Variants in ICA1L observed in about 807,000 individuals in gnomAD.
The protein encoded by ICA1L is islet cell autoantigen 1-like protein.
Under a neutral mutation model 61.3 loss-of-function variants are expected in ICA1L, and 50 were observed. That is an observed-to-expected ratio of 0.82 (90% CI 0.65 to 1.03). The LOEUF (loss-of-function observed/expected upper bound fraction) is 1.03. Among genes scored for constraint, ICA1L ranks in the 50% least tolerant of loss-of-function variants. The pLI, the probability that ICA1L is intolerant of heterozygous loss-of-function variation, is 0.00. For missense variants in ICA1L, 508 were observed against 556.7 expected, an observed-to-expected ratio of 0.91 and a Z score of 0.88; for synonymous variants, 161 against 191.3, an observed-to-expected ratio of 0.84 and a Z score of 1.31.
At chr2:202,854,218 A>G (rs530676430) in intron 1 of ICA1L, among the ~76,000 whole-genome samples, 3 of 152,232 alleles carry the variant, frequency 2.0e-5, no homozygotes, top group African/African-American at 7.2e-5. Flanking sequence ...TGGAAAGAAA[A>G]AAAAAAAAGC....
chr2:202,852,279 G>C (rs1574379956), intron 1 of ICA1L, among the ~76,000 whole-genome samples: 1 of 152,048 alleles, frequency 6.6e-6, no homozygotes, highest in East Asian at 1.9e-4. Flanking sequence ...TGGGATGGCT[G>C]GGTCAAATGG....
At chr2:202,824,595 G>A (rs879729652) in intron 3 of ICA1L, among the ~76,000 whole-genome samples, 2 of 152,112 alleles carry the variant, frequency 1.3e-5, no homozygotes, top group Non-Finnish European at 2.9e-5. Context: ...TTCAGGGAAG[G>A]CCTCATTTAA....
Position 202,779,444 on chromosome 2 carries a change from G to T in ICA1L, c.*89C>A, listed in dbSNP as rs1692325108. On this transcript the variant is annotated 3_prime_UTR_variant, in exon 13 of 13. Transcript: ENST00000358299. Reference sequence around the variant, plus strand: ...ATATTCACAAACACCGTGCTTTTGTGTGCGGGTTACAATCTAAATCCTTTC... The same window carrying T: ...ATATTCACAAACACCGTGCTTTTGTTTGCGGGTTACAATCTAAATCCTTTC... 1 of 747,124 alleles carries T rather than the reference G, an allele frequency of 1.3e-6. No individual in the cohort carries two copies. Among genetic ancestry groups the T allele is most frequent in the Non-Finnish European group, 2.2e-6 (1 of 452,654 alleles). 46.3% of individuals were successfully genotyped at this position (747,124 alleles called of 1,614,324 possible). A position where few individuals can be genotyped will look rare whatever the true frequency, so the allele number is the denominator to read the frequency against.
At chr2:202,798,831 G>C (rs116108802) in intron 9 of ICA1L, among the ~76,000 whole-genome samples, 5 of 152,168 alleles carry the variant, frequency 3.3e-5, no homozygotes, top group African/African-American at 1.2e-4. Context: ...ACCTGAATGT[G>C]ATCAAAATTT....
At chr2:202,810,432 T>G (rs1045385429) in intron 9 of ICA1L, among the ~76,000 whole-genome samples, 5 of 152,226 alleles carry the variant, frequency 3.3e-5, no homozygotes, top group African/African-American at 1.2e-4. Context: ...CACTTATCAC[T>G]TCCCCAGTCA....
intron 1 of ICA1L, among the ~76,000 whole-genome samples, chr2:202,864,707 A>G (rs1236001257): frequency 4.6e-5 from 7 of 152,040 alleles, no homozygotes; most frequent in African/African-American, 1.7e-4. Context: ...GGGATGCAAG[A>G]TTTGTTTAGC....
intron 10 of ICA1L, among the ~76,000 whole-genome samples, chr2:202,795,377 C>G (rs1269565642): frequency 6.6e-6 from 1 of 152,116 alleles, no homozygotes; most frequent in African/African-American, 2.4e-5. Flanking sequence ...AGGCAGATCA[C>G]CTGAGGTCAG....
chr2:202,790,769 T>G (rs187372557), intron 10 of ICA1L, among the ~76,000 whole-genome samples: 11 of 152,220 alleles, frequency 7.2e-5, no homozygotes, highest in Admixed American at 7.2e-4. Context: ...GGTGGTTTCA[T>G]GAAGAAAGAG....
chr2:202,853,962 T>TA (rs1476608682), intron 1 of ICA1L, among the ~76,000 whole-genome samples: 1 of 152,086 alleles, frequency 6.6e-6, no homozygotes, highest in Non-Finnish European at 1.5e-5. Flanking sequence ...AGACCAATGA[T>TA]ACTACGAAGA....
chr2:202,843,735 T>C (rs888206911), intron 1 of ICA1L, among the ~76,000 whole-genome samples: 1 of 152,182 alleles, frequency 6.6e-6, no homozygotes, highest in African/African-American at 2.4e-5. Context: ...CACTAGTGAG[T>C]GCAGCATTAG....
chr2:202,834,129 A>G (rs1411742179), intron 1 of ICA1L, among the ~76,000 whole-genome samples: 1 of 152,238 alleles, frequency 6.6e-6, no homozygotes, highest in Non-Finnish European at 1.5e-5. Flanking sequence ...CAGTGTTTCA[A>G]ACGTAATGTA....
At chr2:202,837,513 C>T (rs375966443) in intron 1 of ICA1L, among the ~76,000 whole-genome samples, 3 of 151,944 alleles carry the variant, frequency 2.0e-5, no homozygotes, top group South Asian at 4.2e-4. Flanking sequence ...CCTCGTGATC[C>T]GCCCACCTCA....
intron 12 of ICA1L, among the ~76,000 whole-genome samples, chr2:202,784,624 C>T (rs971977384): frequency 6.6e-6 from 1 of 152,086 alleles, no homozygotes; most frequent in African/African-American, 2.4e-5. Flanking sequence ...ATCTGTCAAA[C>T]AGAGTATTAT....
At chr2:202,842,591 T>A (rs1694362567) in intron 1 of ICA1L, among the ~76,000 whole-genome samples, 1 of 152,248 alleles carries the variant, frequency 6.6e-6, no homozygotes, top group Non-Finnish European at 1.5e-5. Context: ...TCTCTTCATC[T>A]TTGATTTTTG....
chr2:202,844,988 C>T (rs1449747673), intron 1 of ICA1L, among the ~76,000 whole-genome samples: 5 of 152,256 alleles, frequency 3.3e-5, no homozygotes, highest in Middle Eastern at 6.8e-3. Context: ...CCCCTTCCTC[C>T]ATCTTTAAGG....
rs879359722 is a variant in ICA1L at position 202,778,217 on chromosome 2, A to T, written c.*1316T>A. On this transcript the variant is annotated 3_prime_UTR_variant, in exon 13 of 13. Transcript: ENST00000358299. ...TTCTTATGGAAATGCAATGGACTGG[A>T]TGACAAATATAAAACAAACACACAC... 16 of 152,300 alleles carry T rather than the reference A, an allele frequency of 1.1e-4. No homozygotes were observed. Among genetic ancestry groups the T allele is most frequent in the African/African-American group, 3.8e-4 (16 of 41,566 alleles). 9.4% of individuals were successfully genotyped at this position (152,300 alleles called of 1,614,324 possible).
chr2:202,833,559 T>G (rs1301196098), intron 1 of ICA1L, among the ~76,000 whole-genome samples: 4 of 152,100 alleles, frequency 2.6e-5, no homozygotes, highest in Non-Finnish European at 5.9e-5. Context: ...CACTCCAGCC[T>G]GGGCGACAGA....
intron 9 of ICA1L, 66 bp downstream of exon 9, chr2:202,811,678 AAG>A: frequency 9.6e-7 from 1 of 1,038,200 alleles, no homozygotes; most frequent in African/African-American, 1.6e-5. Flanking sequence ...AAAAAAAAAA[AAG>A]GCTGTGATAA....
intron 1 of ICA1L, among the ~76,000 whole-genome samples, chr2:202,858,810 G>T (rs1006346606): frequency 9.2e-5 from 14 of 152,130 alleles, no homozygotes; most frequent in Admixed American, 5.2e-4. Context: ...TGCTATACAG[G>T]TTTGTAGCCT....
Sources: gnomAD v4.1 joint callset for allele counts (sites outside exome capture counted in the v4.1 genomes callset) on GRCh38, gnomAD v4.1.1 for gene constraint, MANE v1.5 for transcripts, NCBI Gene and HGNC (gene_info 2026-07-23, HGNC 2026-07-21) for gene names.